Variants in GIMAP8 observed in about 807,000 individuals in gnomAD.
The protein encoded by GIMAP8 is GTPase IMAP family member 8.
In GIMAP8, 29 loss-of-function variants were observed where a neutral mutation model predicts 35.6. The ratio of observed to expected loss-of-function variants is 0.81; its 90% CI spans 0.61 to 1.11. GIMAP8 has a LOEUF of 1.11. Ranked by LOEUF, GIMAP8 falls within the 50% of genes most tolerant of loss-of-function variation. GIMAP8 has a pLI of 0.00. For missense variants in GIMAP8, 811 were observed against 805.0 expected (o/e 1.01, Z -0.09); for synonymous variants, 335 against 308.7 (o/e 1.09, Z -0.89).
At chr7:150,464,002 G>A (rs1457821028) in intron 1 of GIMAP8, among the ~76,000 whole-genome samples, 1 of 152,234 alleles carries the variant, frequency 6.6e-6, no homozygotes, top group African/African-American at 2.4e-5. Context: ...GCAGTAGTGG[G>A]CTGAGCTGGC....
chr7:150,461,144 T>A (rs1801836526), intron 1 of GIMAP8, among the ~76,000 whole-genome samples: 1 of 152,246 alleles, frequency 6.6e-6, no homozygotes, highest in Non-Finnish European at 1.5e-5. Context: ...AATGCTGACA[T>A]AACAGATGGT....
chr7:150,466,410 T>C (rs780532028), intron 1 of GIMAP8, among the ~76,000 whole-genome samples: 1 of 151,012 alleles, frequency 6.6e-6, no homozygotes, highest in Non-Finnish European at 1.5e-5. Context: ...TTCTAACATA[T>C]CTGACTTCTT....
At chr7:150,455,490 C>A (rs1410685301) in intron 1 of GIMAP8, among the ~76,000 whole-genome samples, 4 of 152,142 alleles carry the variant, frequency 2.6e-5, no homozygotes, top group Non-Finnish European at 4.4e-5. Context: ...GTCCAATGGA[C>A]AAAACAGAGA....
At chr7:150,452,473 A>T (rs1801627963) in intron 1 of GIMAP8, among the ~76,000 whole-genome samples, 1 of 151,464 alleles carries the variant, frequency 6.6e-6, no homozygotes, top group Admixed American at 6.6e-5. Flanking sequence ...GACCTGTGGG[A>T]GGCCTCTGCT....
intron 4 of GIMAP8, among the ~76,000 whole-genome samples, chr7:150,476,229 T>C (rs1802225134): frequency 1.3e-5 from 2 of 152,250 alleles, no homozygotes; most frequent in Non-Finnish European, 2.9e-5. Flanking sequence ...CTCCTTTGCA[T>C]TGAAGTAGAT....
intron 1 of GIMAP8, among the ~76,000 whole-genome samples, chr7:150,461,110 T>C (rs1054471265): frequency 6.6e-6 from 1 of 152,260 alleles, no homozygotes; most frequent in East Asian, 1.9e-4. Flanking sequence ...GCTAATAAAT[T>C]ATATGCTCAA....
At chr7:150,454,367 G>A (rs1454517995) in intron 1 of GIMAP8, among the ~76,000 whole-genome samples, 1 of 152,144 alleles carries the variant, frequency 6.6e-6, no homozygotes, top group East Asian at 1.9e-4. Context: ...GGAGAAGGGT[G>A]GAAACCGGGG....
chr7:150,463,828 G>A (rs1395789736), intron 1 of GIMAP8, among the ~76,000 whole-genome samples: 2 of 152,234 alleles, frequency 1.3e-5, no homozygotes, highest in African/African-American at 4.8e-5. Flanking sequence ...GAGGACCCGA[G>A]TAGGCCAGTA....
rs76222362 is a variant in GIMAP8 at position 150,472,857 on chromosome 7, G to C, written c.683-1155G>C. On this transcript the variant is annotated intron_variant, in intron 3 of 4. Transcript: ENST00000307271. The surrounding 1 kb of genome is among the most constrained non-coding windows in gnomAD (Gnocchi z 4.1). Reference sequence around the variant, plus strand: ...TGTAAAGGAGAGTAGGGGGGAGTGTGAGGGAGGGAGGGGCACTTCCAGGCC... The same window carrying C: ...TGTAAAGGAGAGTAGGGGGGAGTGTCAGGGAGGGAGGGGCACTTCCAGGCC... Among the ~76,000 whole-genome samples, 54 of 152,274 alleles carry C rather than the reference G, an allele frequency of 3.5e-4. No individual in the cohort carries two copies. The East Asian group carries it at 0.01, about 28-fold the overall frequency.
At chr7:150,467,575 G>T (rs1801997258) in intron 2 of GIMAP8, among the ~76,000 whole-genome samples, 1 of 152,028 alleles carries the variant, frequency 6.6e-6, no homozygotes, top group East Asian at 1.9e-4. Context: ...ATCTTACTTG[G>T]TCCCTCATAT....
chr7:150,460,647 G>A (rs1801823423), intron 1 of GIMAP8, among the ~76,000 whole-genome samples: 2 of 152,190 alleles, frequency 1.3e-5, no homozygotes, highest in African/African-American at 4.8e-5. Context: ...CTGTAAACCA[G>A]CTCTGAGTTT....
Position 150,477,806 on chromosome 7 carries a change from C to A in GIMAP8, c.*26C>A. Reference sequence around the variant, plus strand: ...GTAGCCGAAGTGCCTGGGGTCTCTTCAATTAGAGACACCCTCAGGTTGGGG... The same window carrying A: ...GTAGCCGAAGTGCCTGGGGTCTCTTAAATTAGAGACACCCTCAGGTTGGGG... On this transcript the variant is annotated 3_prime_UTR_variant, in exon 5 of 5. Transcript: ENST00000307271. 6.5e-7 allele frequency: 1 copy of A among 1,549,240 alleles called. No individual in the cohort carries two copies. Among genetic ancestry groups the A allele is most frequent in the Non-Finnish European group, 8.8e-7 (1 of 1,131,544 alleles).
chr7:150,465,309 T>C (rs992780415), intron 1 of GIMAP8, among the ~76,000 whole-genome samples: 2 of 152,200 alleles, frequency 1.3e-5, no homozygotes, highest in Non-Finnish European at 2.9e-5. Context: ...GAGGGCATCA[T>C]GGCCAGCTTT....
rs1228194955 is a variant in GIMAP8, at chr7:150,477,103, A to G, written c.1321A>G (p.Ile441Val). 3 of 1,602,288 alleles carry G rather than the reference A, an allele frequency of 1.9e-6. No individual in the cohort carries two copies. The highest frequency in any genetic ancestry group is 1.1e-5 in the South Asian group (1 of 90,904). Residue 441 changes from isoleucine (I) to valine (V), a missense_variant, in exon 5 of 5, where the codon ATT becomes GTT. Coordinates refer to ENST00000307271, the MANE Select transcript of GIMAP8 (RefSeq NM_175571.4). ...CTTTCCTTTGACAGAAACCCTGAAC[A>G]TTGTCCTTGTGGGGAGAAGCGGGAC... ...CVFREKETLN[I>V]VLVGRSGTGK...
At chr7:150,463,585 A>G (rs1432764599) in intron 1 of GIMAP8, among the ~76,000 whole-genome samples, 2 of 152,220 alleles carry the variant, frequency 1.3e-5, no homozygotes, top group African/African-American at 2.4e-5. Context: ...TGTAGTCTTC[A>G]TATGATTTCT....
chr7:150,465,750 T>G (rs1801942312), intron 1 of GIMAP8, among the ~76,000 whole-genome samples: 3 of 152,238 alleles, frequency 2.0e-5, no homozygotes, highest in African/African-American at 7.2e-5. Flanking sequence ...TTGACTTGCC[T>G]GGCAGGTGGA....
Position 150,474,171 on chromosome 7 carries a change from C to A in GIMAP8, c.842C>A (p.Ser281Ter). The change falls in exon 4 of 5, where the codon TCA becomes TAA. Residue 281 changes from serine to a stop codon, truncating the protein, a stop_gained. Coordinates refer to ENST00000307271, the MANE Select transcript of GIMAP8 (RefSeq NM_175571.4). LOFTEE classifies it high-confidence loss of function. Reference protein sequence around the residue: ...QAFQTGFSEQSVTQSFLSESR... With the variant: ...QAFQTGFSEQ The stretch of plus-strand genomic sequence containing the variant: ...TTTCAGACCGGATTTAGTGAGCAGT[C>A]AGTAACCCAGAGCTTCTTGTCTGAG... 2 of 1,614,174 alleles carry A rather than the reference C, an allele frequency of 1.2e-6. No homozygotes were observed. The highest frequency in any genetic ancestry group is 1.7e-6 in the Non-Finnish European group (2 of 1,180,026).
intron 4 of GIMAP8, among the ~76,000 whole-genome samples, chr7:150,475,264 CTAAAA>C (rs1001878151): frequency 3.3e-5 from 5 of 151,984 alleles, no homozygotes; most frequent in African/African-American, 1.2e-4. Context: ...GTACCTGTAC[CTAAAA>C]TAAAAGTTGA....
At chr7:150,455,285 G>C (rs1168849056) in intron 1 of GIMAP8, among the ~76,000 whole-genome samples, 1 of 152,192 alleles carries the variant, frequency 6.6e-6, no homozygotes, top group Non-Finnish European at 1.5e-5. Context: ...TAAAGAAATT[G>C]ACAGCTGATT....
Sources: gnomAD v4.1 joint callset for allele counts (sites outside exome capture counted in the v4.1 genomes callset) on GRCh38, gnomAD v4.1.1 for gene constraint, Gnocchi (gnomAD v3.1) non-coding constraint, MANE v1.5 for transcripts, NCBI Gene and HGNC (gene_info 2026-07-23, HGNC 2026-07-21) for gene names.